ZNF823: variants seen among roughly 807,000 people sequenced by gnomAD.
ZNF823 encodes the protein zinc finger protein 823.
In ZNF823, 5 loss-of-function variants were observed where a neutral mutation model predicts 11.4. The ratio of observed to expected loss-of-function variants is 0.44; its 90% CI spans 0.23 to 0.92. ZNF823 has a LOEUF of 0.92. Among genes scored for constraint, ZNF823 ranks in the 40% least tolerant of loss-of-function variants. The pLI, the probability that ZNF823 is intolerant of heterozygous loss-of-function variation, is 0.24. For synonymous variants in ZNF823, 234 were observed against 250.5 expected, an observed-to-expected ratio of 0.93 and a Z score of 0.62; for missense variants, 582 against 738.5, an observed-to-expected ratio of 0.79 and a Z score of 2.46.
chr19:11,736,867 T>G (rs1053688993), intron 1 of ZNF823, among the ~76,000 whole-genome samples: 6 of 152,200 alleles, frequency 3.9e-5, no homozygotes, highest in Non-Finnish European at 8.8e-5. Context: ...GCCAACCAGC[T>G]GGCTCATCAG....
intron 1 of ZNF823, chr19:11,726,052 A>T (rs1241009066): frequency 7.0e-6 from 1 of 143,368 alleles, no homozygotes; most frequent in Non-Finnish European, 1.5e-5. Context: ...ACATGGTGAG[A>T]CCTTGTCTCT....
At position 11,722,048 on chromosome 19, in the gene ZNF823, C is replaced by T; in HGVS notation, c.1486G>A (p.Glu496Lys). ...LSQHKRTHTV[E>K]KPYECKTCRK... ...CATGTTTTACACTCATAAGGTTTTT[C>T]TACTGTGTGGGTCCTTTTATGTTGA... The change falls in exon 4 of 4, where the codon GAA becomes AAA. Residue 496 changes from glutamate to lysine, a missense_variant. Physicochemically the swap from Glu to Lys is moderately conservative, Grantham distance 56 (BLOSUM62 1). This residue lies in a region of ZNF823 where 144 missense variants were observed against 154.3 expected (regional missense o/e 0.93). Transcript: ENST00000341191. This position sits in a 1 kb window ranked among gnomAD's most constrained non-coding sequence, Gnocchi z 5.2. The T allele has an allele frequency of 6.2e-7, 1 of 1,613,326 alleles. No individual in the cohort carries two copies. The highest frequency in any genetic ancestry group is 8.5e-7 in the Non-Finnish European group (1 of 1,179,856).
At chr19:11,724,974 T>C (rs1279205694) in intron 2 of ZNF823, among the ~76,000 whole-genome samples, 2 of 152,142 alleles carry the variant, frequency 1.3e-5, no homozygotes, top group African/African-American at 2.4e-5. Flanking sequence ...AATGTTTATG[T>C]TATCCATAAG....
intron 1 of ZNF823, 149 bp downstream of exon 1, chr19:11,738,668 G>A (rs1975040772): frequency 9.1e-7 from 1 of 1,094,554 alleles, no homozygotes. Flanking sequence ...TTGCGGCCCA[G>A]GGGACCAAGG....
chr19:11,726,287 C>CAT (rs139368397), intron 1 of ZNF823, among the ~76,000 whole-genome samples: 8,438 of 112,296 alleles, frequency 0.075, 509 homozygotes, highest in East Asian at 0.24. Context: ...ATAAAAAATA[C>CAT]ATATATATAT....
chr19:11,722,844 A>G lies in ZNF823; in HGVS notation c.690T>C (p.Pro230=). 4 of 1,614,130 alleles carry G rather than the reference A, an allele frequency of 2.5e-6. No individual in the cohort carries two copies. The highest frequency in any genetic ancestry group is 1.6e-4 in the Middle Eastern group (1 of 6,062). ...YECKQCSKAF[P]FYSSYLRHER... is the part of the protein sequence containing the mutation. Reference sequence around the variant, plus strand: ...CATGTCTTAGATAGGAACTGTAAAAAGGAAAGGCTTTAGAACACTGCTTAC... The same window carrying G: ...CATGTCTTAGATAGGAACTGTAAAAGGGAAAGGCTTTAGAACACTGCTTAC... The change falls in exon 4 of 4, where the codon CCT becomes CCC. Residue 230 remains proline (P), a synonymous_variant. Transcript: ENST00000341191. This position sits in a 1 kb window ranked among gnomAD's most constrained non-coding sequence, Gnocchi z 5.2.
intron 1 of ZNF823, among the ~76,000 whole-genome samples, chr19:11,732,287 C>G (rs958235385): frequency 6.6e-6 from 1 of 151,910 alleles, no homozygotes; most frequent in Admixed American, 6.6e-5. Flanking sequence ...GCCTCAGCCT[C>G]CCGAGCAGCC....
At chr19:11,730,156 G>A (rs1050224096) in intron 1 of ZNF823, among the ~76,000 whole-genome samples, 6 of 152,056 alleles carry the variant, frequency 3.9e-5, no homozygotes, top group Non-Finnish European at 7.4e-5. Flanking sequence ...TCAAACTCCC[G>A]ACCTCAGATG....
rs1316521423 is a variant in ZNF823 at position 11,738,876 on chromosome 19, C to T, written c.-57G>A. 1.3e-6 allele frequency: 2 copies of T among 1,589,144 alleles called. No individual in the cohort carries two copies. Among genetic ancestry groups the T allele is most frequent in the Non-Finnish European group, 1.7e-6 (2 of 1,168,246 alleles). On this transcript the variant is annotated 5_prime_UTR_variant, in exon 1 of 4. Coordinates refer to ENST00000341191, the MANE Select transcript of ZNF823 (RefSeq NM_001080493.4). ...TTAAAAGCCAGTGTGGGTCCCAGCG[C>T]GACAGACGCTGATACAGACCTTCCA...
At position 11,722,139 on chromosome 19, in the gene ZNF823, G is replaced by GT; in HGVS notation, c.1394dup (p.His465GlnfsTer8). ...TACACTCATATGGCTTCTCTCCAGT[G>GT]TGAGTTGTCTCATGATTTTGAAAGG... On this transcript the variant is annotated frameshift_variant, in exon 4 of 4. Transcript: ENST00000341191. LOFTEE classifies it low-confidence loss of function (END_TRUNC). This position sits in a 1 kb window ranked among gnomAD's most constrained non-coding sequence, Gnocchi z 5.2. 6.2e-7 allele frequency: 1 copy of GT among 1,614,132 alleles called. No homozygotes were observed. Among genetic ancestry groups the GT allele is most frequent in the Non-Finnish European group, 8.5e-7 (1 of 1,180,020 alleles).
At chr19:11,727,064 A>G (rs1295800139) in intron 1 of ZNF823, among the ~76,000 whole-genome samples, 2 of 152,204 alleles carry the variant, frequency 1.3e-5, no homozygotes, top group East Asian at 3.8e-4. Context: ...GGAGGAGGAA[A>G]GACAGGGAAA....
rs1471387132 is a variant in ZNF823, at chr19:11,722,925, CCAAA to C, written c.605_608del (p.Val202GlyfsTer34). 10 of 1,613,926 alleles carry C rather than the reference CCAAA, an allele frequency of 6.2e-6. No homozygotes were observed. Among genetic ancestry groups the C allele is most frequent in the East Asian group, 2.2e-5 (1 of 44,884 alleles). On this transcript the variant is annotated frameshift_variant, in exon 4 of 4. Coordinates refer to ENST00000341191, the MANE Select transcript of ZNF823 (RefSeq NM_001080493.4). LOFTEE classifies it low-confidence loss of function (END_TRUNC). The surrounding 1 kb of genome is among the most constrained non-coding windows in gnomAD (Gnocchi z 5.2). The stretch of plus-strand genomic sequence containing the variant: ...TTTCGTGCAAATGAAATAAACTGGG[CCAAA>C]CAAAGGCTTTCCCACACAACTTACA...
rs1253725833 is a variant in ZNF823, at chr19:11,738,799, C to G, written c.3+18G>C. On this transcript the variant is annotated intron_variant, in intron 1 of 3. Transcript: ENST00000341191. Reference sequence around the variant, plus strand: ...CTGCCCCTTCTTTGCCTCGGGACGCCGGGCCCCGCACACTCACCATTTCCC... The same window carrying G: ...CTGCCCCTTCTTTGCCTCGGGACGCGGGGCCCCGCACACTCACCATTTCCC... The G allele has an allele frequency of 5.0e-6, 8 of 1,609,244 alleles. No homozygotes were observed. Among genetic ancestry groups the G allele is most frequent in the Non-Finnish European group, 5.9e-6 (7 of 1,177,904 alleles).
At chr19:11,738,277 C>T (rs531548618) in intron 1 of ZNF823, among the ~76,000 whole-genome samples, 1 of 152,302 alleles carries the variant, frequency 6.6e-6, no homozygotes, top group East Asian at 1.9e-4. Context: ...GGCTGAAGAC[C>T]CCACAAGGGA....
At chr19:11,727,633 A>T (rs976062673) in intron 1 of ZNF823, among the ~76,000 whole-genome samples, 5 of 152,226 alleles carry the variant, frequency 3.3e-5, no homozygotes, top group African/African-American at 7.2e-5. Context: ...AATATTCGGC[A>T]TCCTATACTA....
In ZNF823 at chr19:11,722,136, A is replaced by G. The variant is rs1451787902; in HGVS notation, c.1398T>C (p.Thr466=). The G allele has an allele frequency of 6.2e-7, 1 of 1,614,026 alleles. No individual in the cohort carries two copies. Among genetic ancestry groups the G allele is most frequent in the Non-Finnish European group, 8.5e-7 (1 of 1,180,022 alleles). Residue 466 remains threonine, a synonymous_variant, in exon 4 of 4, where the codon ACT becomes ACC. Coordinates refer to ENST00000341191, the MANE Select transcript of ZNF823 (RefSeq NM_001080493.4). The surrounding 1 kb of genome is among the most constrained non-coding windows in gnomAD (Gnocchi z 5.2). Reference sequence around the variant, plus strand: ...CCTTACACTCATATGGCTTCTCTCCAGTGTGAGTTGTCTCATGATTTTGAA... The same window carrying G: ...CCTTACACTCATATGGCTTCTCTCCGGTGTGAGTTGTCTCATGATTTTGAA... The part of the protein sequence containing the change: ...SSFQNHETTH[T]GEKPYECKEC...
rs371405281 is a variant in ZNF823 at position 11,721,737 on chromosome 19, A to C, written c.1797T>G (p.His599Gln). 75 of 1,613,646 alleles carry C rather than the reference A, an allele frequency of 4.6e-5. No homozygotes were observed. In the East Asian group the frequency reaches 1.5e-3, roughly 32 times the overall value. Residue 599 changes from histidine (H) to glutamine (Q), a missense_variant, in exon 4 of 4, where the codon CAT becomes CAG. Physicochemically the swap from His to Gln is conservative, Grantham distance 24 (BLOSUM62 0). Transcript: ENST00000341191. ...CTTTCCAGTGAGTCCTTTTATGTCT[A>C]TGCAAGGAACGGAGAGAACTCAATG... ...GKALSSLRSL[H>Q]RHKRTHWKDT...
chr19:11,730,305 G>A (rs544745877), intron 1 of ZNF823: 1 of 152,310 alleles, frequency 6.6e-6, no homozygotes, highest in East Asian at 1.9e-4. Flanking sequence ...AAGAAGAAGA[G>A]TTGTGCGTGA....
intron 2 of ZNF823, 135 bp from the exon 3 acceptor site, chr19:11,724,389 A>T: frequency 1.4e-6 from 1 of 733,684 alleles, no homozygotes; most frequent in Non-Finnish European, 2.2e-6. Context: ...ACAGGTTTGA[A>T]CTGCACAGCT....
Sources: allele counts gnomAD v4.1 joint callset (sites outside exome capture counted in the v4.1 genomes callset), GRCh38; gene constraint gnomAD v4.1.1; regional missense constraint gnomAD v4.1.1; non-coding constraint Gnocchi (gnomAD v3.1); transcripts MANE v1.5; gene names NCBI Gene and HGNC (gene_info 2026-07-23, HGNC 2026-07-21).